Variants in RIMKLB observed in about 807,000 individuals in gnomAD.
RIMKLB encodes ribosomal modification protein rimK like family member B.
In RIMKLB, 7 loss-of-function variants were observed where a neutral mutation model predicts 32.0. The ratio of observed to expected loss-of-function variants is 0.22; its 90% CI spans 0.12 to 0.41. RIMKLB has a LOEUF of 0.41. RIMKLB is among the 10% of genes least tolerant of loss of function. The pLI is 1.00. For missense variants in RIMKLB, 289 were observed against 498.7 expected (o/e 0.58, Z 4.00); for synonymous variants, 172 against 185.1 (o/e 0.93, Z 0.57).
chr12:8,692,870 C>G (rs368566040), upstream of RIMKLB, among the ~76,000 whole-genome samples: 1 of 152,198 alleles, frequency 6.6e-6, no homozygotes, highest in African/African-American at 2.4e-5. Flanking sequence ...CTGCCGCTAC[C>G]GTTCCTTATT....
chr12:8,671,673 G>A, the RIMKLB span, among the ~76,000 whole-genome samples: 1 of 152,128 alleles, frequency 6.6e-6, no homozygotes, highest in Admixed American at 6.5e-5. Context: ...AGCACTTTGG[G>A]AGGCCCAGGT....
chr12:8,708,487 G>A (rs1030391250), intron 1 of RIMKLB, among the ~76,000 whole-genome samples: 1 of 152,032 alleles, frequency 6.6e-6, no homozygotes, highest in South Asian at 2.1e-4. Context: ...TTAAATATTT[G>A]TAATGTATTT....
downstream of RIMKLB, among the ~76,000 whole-genome samples, chr12:8,781,978 A>G (rs75418196): frequency 0.014 from 2,090 of 152,106 alleles, 41 homozygotes; most frequent in African/African-American, 0.046. Context: ...GACAGAAATG[A>G]AAGGCATATG....
chr12:8,676,382 C>CTTTTTTTT, the RIMKLB span, among the ~76,000 whole-genome samples: 10 of 37,342 alleles, frequency 2.7e-4, no homozygotes, highest in Non-Finnish European at 2.8e-4. Flanking sequence ...CCCCCAACAG[C>CTTTTTTTT]TTTTTTTTTT....
chr12:8,703,970 A>C (rs1037942415), intron 1 of RIMKLB, among the ~76,000 whole-genome samples: 2 of 152,222 alleles, frequency 1.3e-5, no homozygotes, highest in African/African-American at 4.8e-5. Flanking sequence ...AGAAAATCTT[A>C]ATTCCAGTCT....
intron 2 of RIMKLB, among the ~76,000 whole-genome samples, chr12:8,740,587 C>T (rs754784677): frequency 3.3e-5 from 5 of 152,302 alleles, no homozygotes; most frequent in East Asian, 1.9e-4. Context: ...TGAGAACATA[C>T]GATGTTTGAC....
At chr12:8,751,291 C>T (rs989029660) in intron 3 of RIMKLB, among the ~76,000 whole-genome samples, 4 of 152,182 alleles carry the variant, frequency 2.6e-5, no homozygotes, top group African/African-American at 9.7e-5. Flanking sequence ...ACACATTTCT[C>T]GTATTTCACT....
chr12:8,723,171 C>T (rs1945638018), intron 2 of RIMKLB, among the ~76,000 whole-genome samples: 1 of 152,158 alleles, frequency 6.6e-6, no homozygotes, highest in African/African-American at 2.4e-5. Context: ...CTTAATCTTT[C>T]AATTTAAAGT....
At chr12:8,697,004 C>T (rs1282734842), upstream of RIMKLB, among the ~76,000 whole-genome samples, 1 of 151,928 alleles carries the variant, frequency 6.6e-6, no homozygotes, top group Non-Finnish European at 1.5e-5. Context: ...CGTAGTTGAA[C>T]ATTCATATTC....
At chr12:8,688,502 C>G (rs2136559140) in intron 1 of RIMKLB, among the ~76,000 whole-genome samples, 1 of 152,260 alleles carries the variant, frequency 6.6e-6, no homozygotes, top group African/African-American at 2.4e-5. Flanking sequence ...GAAAGAAAAA[C>G]AACACATTCT....
chr12:8,777,526 G>A, downstream of RIMKLB: 3 of 1,199,038 alleles, frequency 2.5e-6, no homozygotes, highest in Non-Finnish European at 3.2e-6. Flanking sequence ...TTAATGTTTT[G>A]CATTTTTTAC....
intron 4 of RIMKLB, 101 bp downstream of exon 4, chr12:8,752,144 A>T: frequency 1.3e-6 from 1 of 757,060 alleles, no homozygotes; most frequent in Non-Finnish European, 2.2e-6. Flanking sequence ...TGTTAGATGC[A>T]TGATACCTCA....
In RIMKLB at chr12:8,698,201, C is replaced by T. The variant is rs112570458; in HGVS notation, c.-153C>T. 4,220 of 367,518 alleles carry T rather than the reference C, an allele frequency of 0.011. 172 individuals are homozygous for T. The highest frequency in any genetic ancestry group is 0.085 in the African/African-American group (3,830 of 44,958). 22.8% of individuals were successfully genotyped at this position (367,518 alleles called of 1,614,324 possible). Reference sequence around the variant, plus strand: ...TATCCCGACCCCCTCCCCCTCCTCTCCTTCCCCCACTTCCAGCCGCCCGGC... The same window carrying T: ...TATCCCGACCCCCTCCCCCTCCTCTTCTTCCCCCACTTCCAGCCGCCCGGC... On this transcript the variant is annotated 5_prime_UTR_variant, in exon 1 of 6. Coordinates refer to ENST00000535829, the MANE Select transcript of RIMKLB (RefSeq NM_001297776.2).
intron 4 of RIMKLB, among the ~76,000 whole-genome samples, chr12:8,753,676 AAG>A (rs2137809202): frequency 6.6e-6 from 1 of 152,270 alleles, no homozygotes; most frequent in African/African-American, 2.4e-5. Context: ...TTTGTCATGA[AAG>A]AGTTTAGGGA....
rs748069908 is a variant in RIMKLB, at chr12:8,743,381, C to T, written c.176-6481C>T. Among the ~76,000 whole-genome samples, 13 of 146,534 alleles carry T rather than the reference C, an allele frequency of 8.9e-5. No individual in the cohort carries two copies. In the East Asian group the frequency reaches 2.1e-3, roughly 24 times the overall value. ...AAAAAAAAAAAAAAAAAAAAAATTC[C>T]GGAAGTCCTAAAAAATAATCTGGAA... On this transcript the variant is annotated intron_variant, in intron 2 of 5. Coordinates refer to ENST00000535829, the MANE Select transcript of RIMKLB (RefSeq NM_001297776.2).
At chr12:8,739,590 C>A (rs1280314303) in intron 2 of RIMKLB, among the ~76,000 whole-genome samples, 1 of 152,192 alleles carries the variant, frequency 6.6e-6, no homozygotes, top group Non-Finnish European at 1.5e-5. Flanking sequence ...ACTGCTTCAG[C>A]CTCCTGAGTA....
chr12:8,678,489 C>CAGGTGTT (rs1942358015), upstream of RIMKLB, among the ~76,000 whole-genome samples: 1 of 151,928 alleles, frequency 6.6e-6, no homozygotes, highest in South Asian at 2.1e-4. Flanking sequence ...CACCACCACG[C>CAGGTGTT]TCTGCTAATT....
chr12:8,781,260 G>A (rs1046889850), downstream of RIMKLB, among the ~76,000 whole-genome samples: 1 of 152,144 alleles, frequency 6.6e-6, no homozygotes, highest in Non-Finnish European at 1.5e-5. Context: ...AGAATCGCTT[G>A]AAACCCAGGA....
intron 2 of RIMKLB, among the ~76,000 whole-genome samples, chr12:8,747,474 C>T (rs2137659029): frequency 6.6e-6 from 1 of 152,218 alleles, no homozygotes; most frequent in South Asian, 2.1e-4. Context: ...TTTCTTCCAT[C>T]AGAACTATTA....
Sources: allele counts gnomAD v4.1 joint callset (sites outside exome capture counted in the v4.1 genomes callset), GRCh38; gene constraint gnomAD v4.1.1; transcripts MANE v1.5; gene names NCBI Gene and HGNC (gene_info 2026-07-23, HGNC 2026-07-21).